EVA1A: variants seen among roughly 807,000 people sequenced by gnomAD.
The protein encoded by EVA1A is protein eva-1 homolog A.
Under a neutral mutation model 9.8 loss-of-function variants are expected in EVA1A, and 7 were observed. The ratio of observed to expected loss-of-function variants is 0.71; its 90% confidence interval spans 0.41 to 1.34. The LOEUF is 1.34. EVA1A is among the 40% of genes most tolerant of loss of function. The pLI, the probability that EVA1A is intolerant of heterozygous loss-of-function variation, is 0.01. For synonymous variants in EVA1A, 90 were observed against 85.6 expected (o/e 1.05, Z -0.28); for missense variants, 206 against 205.9 (o/e 1.00, Z 0.00).
At chr2:75,542,857 G>C (rs184302566) in intron 1 of EVA1A, among the ~76,000 whole-genome samples, 1 of 152,140 alleles carries the variant, frequency 6.6e-6, no homozygotes. Flanking sequence ...TGGAAAGGTA[G>C]GTTGGAATCA....
At chr2:75,516,565 G>A (rs1675012212) in intron 3 of EVA1A, among the ~76,000 whole-genome samples, 1 of 152,276 alleles carries the variant, frequency 6.6e-6, no homozygotes, top group Admixed American at 6.5e-5. Flanking sequence ...ACTATTCAAT[G>A]AGTTACCACT....
chr2:75,496,725 A>G (rs1042240190), intron 3 of EVA1A, among the ~76,000 whole-genome samples: 1 of 152,228 alleles, frequency 6.6e-6, no homozygotes, highest in Non-Finnish European at 1.5e-5. Flanking sequence ...TCAAATAGCC[A>G]AAGCAATCCT....
At chr2:75,496,568 G>A (rs562534093) in intron 3 of EVA1A, among the ~76,000 whole-genome samples, 44 of 152,264 alleles carry the variant, frequency 2.9e-4, no homozygotes, top group African/African-American at 1.0e-3. Flanking sequence ...CATGCTCATG[G>A]ATTGGAAGAA....
chr2:75,564,207 G>A (rs1039361543), upstream of EVA1A, among the ~76,000 whole-genome samples: 1 of 152,202 alleles, frequency 6.6e-6, no homozygotes, highest in Non-Finnish European at 1.5e-5. Context: ...GGGAACACAG[G>A]AGAGGTTGGA....
chr2:75,536,684 C>T (rs899382594), intron 1 of EVA1A, among the ~76,000 whole-genome samples: 2 of 152,136 alleles, frequency 1.3e-5, no homozygotes, highest in African/African-American at 4.8e-5. Context: ...CTCCTACACA[C>T]ATAAGTTTGA....
chr2:75,528,438 G>C (rs1316258317), intron 1 of EVA1A, among the ~76,000 whole-genome samples: 1 of 152,190 alleles, frequency 6.6e-6, no homozygotes, highest in Non-Finnish European at 1.5e-5. Flanking sequence ...TTGGCTGTTG[G>C]CAGGAGTGAG....
chr2:75,498,816 T>TAA (rs1491286690), intron 3 of EVA1A, among the ~76,000 whole-genome samples: 2,742 of 140,498 alleles, frequency 0.02, 81 homozygotes, highest in African/African-American at 0.071. Context: ...TTTTTTTTTT[T>TAA]AAAAAGATGG....
At chr2:75,556,642 G>A (rs1676719361) in intron 1 of EVA1A, among the ~76,000 whole-genome samples, 1 of 152,328 alleles carries the variant, frequency 6.6e-6, no homozygotes, top group Non-Finnish European at 1.5e-5. Flanking sequence ...GGAAAGGGAA[G>A]GCAGTGCTAT....
chr2:75,546,258 G>A (rs1343492925), intron 1 of EVA1A, among the ~76,000 whole-genome samples: 2 of 152,052 alleles, frequency 1.3e-5, no homozygotes, highest in Admixed American at 6.6e-5. Flanking sequence ...CATAAACATC[G>A]CCAAGAGCAG....
chr2:75,524,668 C>T (rs1328952445), intron 1 of EVA1A, among the ~76,000 whole-genome samples: 2 of 152,178 alleles, frequency 1.3e-5, no homozygotes, highest in Non-Finnish European at 2.9e-5. Context: ...TCAATCTTCT[C>T]ATTCCATCTT....
intron 1 of EVA1A, among the ~76,000 whole-genome samples, chr2:75,525,878 C>T (rs1675419431): frequency 6.6e-6 from 1 of 152,240 alleles, no homozygotes; most frequent in Non-Finnish European, 1.5e-5. Context: ...GAAGCCTTCA[C>T]TTAGCACTAT....
At chr2:75,518,322 C>T in intron 2 of EVA1A, 114 bp from the exon 3 acceptor site, 2 of 1,146,568 alleles carry the variant, frequency 1.7e-6, no homozygotes, top group Admixed American at 3.1e-5. Context: ...TGCAGGTGTC[C>T]TTTGGGGCTT....
At chr2:75,501,404 G>A (rs1005162941) in intron 3 of EVA1A, among the ~76,000 whole-genome samples, 3 of 152,106 alleles carry the variant, frequency 2.0e-5, no homozygotes, top group African/African-American at 4.8e-5. Context: ...TTTATTATGA[G>A]TATGAAATAA....
At chr2:75,534,863 G>C (rs770656323) in intron 1 of EVA1A, among the ~76,000 whole-genome samples, 3 of 152,002 alleles carry the variant, frequency 2.0e-5, no homozygotes, top group Non-Finnish European at 4.4e-5. Context: ...TTTTCTTCTA[G>C]AATTCTTATG....
chr2:75,552,035 G>A (rs1170772131), intron 1 of EVA1A, among the ~76,000 whole-genome samples: 1 of 152,128 alleles, frequency 6.6e-6, no homozygotes, highest in Non-Finnish European at 1.5e-5. Flanking sequence ...TTACAAATTA[G>A]CTGGACATAG....
chr2:75,537,593 ATGCC>A (rs1458578365), intron 1 of EVA1A, among the ~76,000 whole-genome samples: 1 of 152,220 alleles, frequency 6.6e-6, no homozygotes, highest in Non-Finnish European at 1.5e-5. Context: ...ACCTCCAGGT[ATGCC>A]ATGGACATTG....
chr2:75,528,316 C>G (rs1675524475), intron 1 of EVA1A, among the ~76,000 whole-genome samples: 1 of 152,120 alleles, frequency 6.6e-6, no homozygotes, highest in African/African-American at 2.4e-5. Flanking sequence ...CTGTGGCAGT[C>G]AGGGAGGGGT....
At chr2:75,526,668 G>A (rs576574132) in intron 1 of EVA1A, among the ~76,000 whole-genome samples, 3 of 152,338 alleles carry the variant, frequency 2.0e-5, no homozygotes, top group South Asian at 4.1e-4. Context: ...AGGAAGAGCA[G>A]GAGCTAAAGT....
intron 1 of EVA1A, among the ~76,000 whole-genome samples, chr2:75,527,390 C>A (rs1028554311): frequency 1.3e-5 from 2 of 152,134 alleles, no homozygotes; most frequent in African/African-American, 4.8e-5. Flanking sequence ...TGGACATCCG[C>A]CCCCTCCTAG....
Sources: gnomAD v4.1 joint callset for allele counts (sites outside exome capture counted in the v4.1 genomes callset) on GRCh38, gnomAD v4.1.1 for gene constraint, MANE v1.5 for transcripts, NCBI Gene and HGNC (gene_info 2026-07-23, HGNC 2026-07-21) for gene names.